NEMP2: variants seen among roughly 807,000 people sequenced by gnomAD.
NEMP2 encodes the protein UPF0571 transmembrane protein.
Under a neutral mutation model 54.2 loss-of-function variants are expected in NEMP2, and 53 were observed. The ratio of observed to expected loss-of-function variants is 0.98; its 90% CI spans 0.78 to 1.23. The LOEUF is 1.23. NEMP2 is among the 50% of genes most tolerant of loss of function. The probability of loss-of-function intolerance (pLI) is 0.00; values close to 1 mark genes in which losing one functional copy is unlikely to be tolerated. For missense variants in NEMP2, 455 were observed against 511.3 expected (o/e 0.89, Z 1.06); for synonymous variants, 197 against 190.3 (o/e 1.04, Z -0.29).
rs865784912 is a variant in NEMP2 at position 190,523,876 on chromosome 2, C to A, written c.213+1387G>T. On this transcript the variant is annotated intron_variant, in intron 2 of 8. Coordinates refer to ENST00000409150, the MANE Select transcript of NEMP2 (RefSeq NM_001142645.2). The surrounding 1 kb of genome is among the most constrained non-coding windows in gnomAD (Gnocchi z 5.3). ...AATAAATACATGGGAGGAGGAAAAT[C>A]TCTTCTTTATAGTAGAATGCCAATG... Among the ~76,000 whole-genome samples, 8 of 151,996 alleles carry A rather than the reference C, an allele frequency of 5.3e-5. No homozygotes were observed. The highest frequency in any genetic ancestry group is 7.4e-5 in the Non-Finnish European group (5 of 67,996).
At chr2:190,549,308 T>A in the NEMP2 span, among the ~76,000 whole-genome samples, 12 of 152,358 alleles carry the variant, frequency 7.9e-5, no homozygotes, top group African/African-American at 2.4e-4. Flanking sequence ...ACTATTGATA[T>A]CTAGATCCAC....
the NEMP2 span, among the ~76,000 whole-genome samples, chr2:190,636,052 A>G: frequency 1.3e-5 from 2 of 152,080 alleles, no homozygotes; most frequent in Non-Finnish European, 2.9e-5. Flanking sequence ...TTTTGTAGAG[A>G]CGGGATCTCA....
the NEMP2 span, chr2:190,609,975 C>T: frequency 5.3e-5 from 8 of 151,842 alleles, no homozygotes; most frequent in South Asian, 4.1e-4. The surrounding 1 kb of genome is among the most constrained non-coding windows in gnomAD (Gnocchi z 4.7). Context: ...CAGGGCTTTA[C>T]GAAAGCACAG....
chr2:190,509,299 C>G lies in NEMP2; in HGVS notation c.1144G>C (p.Val382Leu). ...LHTPSKFADFVLGGSHLSPEE... is the reference protein window; with the variant it reads ...LHTPSKFADFLLGGSHLSPEE... ...GGTGACAAGTGGCTTCCTCCAAGAA[C>G]AAAGTCTGCAAATCTAACAAGTTTT... Residue 382 changes from valine (V) to leucine (L), a missense_variant, in exon 9 of 9, where the codon GTT (valine) becomes CTT (leucine). Physicochemically the swap from Val to Leu is conservative, Grantham distance 32. Transcript: ENST00000409150. This position sits in a 1 kb window ranked among gnomAD's most constrained non-coding sequence, Gnocchi z 6.1. 6.4e-7 allele frequency: 1 copy of G among 1,551,678 alleles called. No individual in the cohort carries two copies. Among genetic ancestry groups the G allele is most frequent in the Non-Finnish European group, 8.7e-7 (1 of 1,146,996 alleles).
At chr2:190,537,099 T>C (rs1691400772), upstream of NEMP2, among the ~76,000 whole-genome samples, 1 of 152,026 alleles carries the variant, frequency 6.6e-6, no homozygotes, top group Admixed American at 6.5e-5. Context: ...ATAAAGCTAG[T>C]GGAAAAGGTG....
In NEMP2 at chr2:190,508,033, C is replaced by G. The variant is rs1334885309; in HGVS notation, c.*1156G>C. ...CTCAGGGTCAAAGCTCATAGCCCCT[C>G]ATTTCAATCTGGAGTTTAATATCAT... On this transcript the variant is annotated 3_prime_UTR_variant, in exon 9 of 9. Coordinates refer to ENST00000409150, the MANE Select transcript of NEMP2 (RefSeq NM_001142645.2). The surrounding 1 kb of genome is among the most constrained non-coding windows in gnomAD (Gnocchi z 4.3). 6.6e-6 allele frequency: 1 copy of G among 152,120 alleles called. No individual in the cohort carries two copies. The highest frequency in any genetic ancestry group is 1.5e-5 in the Non-Finnish European group (1 of 68,032). 9.4% of individuals were successfully genotyped at this position (152,120 alleles called of 1,614,324 possible). A position where few individuals can be genotyped will look rare whatever the true frequency, so the allele number is the denominator to read the frequency against.
chr2:190,599,298 T>C, the NEMP2 span, among the ~76,000 whole-genome samples: 200 of 152,298 alleles, frequency 1.3e-3, 1 homozygote, highest in African/African-American at 4.6e-3. Flanking sequence ...TTCTGTTTCC[T>C]GTCACTATTT....
rs571633181 is a variant in NEMP2 at position 190,530,378 on chromosome 2, G to A, written c.97+4181C>T. ...CCTTTTTTCTTATCACCTCTCTCCCGAGGTGAATGAGTCTCAAACAACCCA... is the reference window on the plus strand; with the variant it reads ...CCTTTTTTCTTATCACCTCTCTCCCAAGGTGAATGAGTCTCAAACAACCCA... On this transcript the variant is annotated intron_variant, in intron 1 of 8. Coordinates refer to ENST00000409150, the MANE Select transcript of NEMP2 (RefSeq NM_001142645.2). The surrounding 1 kb of genome is among the most constrained non-coding windows in gnomAD (Gnocchi z 4.6). Among the ~76,000 whole-genome samples the A allele has an allele frequency of 5.9e-5, 9 of 152,146 alleles. No individual in the cohort carries two copies. Among genetic ancestry groups the A allele is most frequent in the South Asian group, 4.2e-4 (2 of 4,812 alleles).
chr2:190,466,101 C>G, the NEMP2 span, among the ~76,000 whole-genome samples: 4 of 152,122 alleles, frequency 2.6e-5, no homozygotes, highest in African/African-American at 9.7e-5. Flanking sequence ...TATTTCTTCC[C>G]TTGTGCCTGC....
At chr2:190,604,236 G>A in the NEMP2 span, among the ~76,000 whole-genome samples, 14,718 of 152,190 alleles carry the variant, frequency 0.097, 1,067 homozygotes, top group African/African-American at 0.2. This position sits in a 1 kb window ranked among gnomAD's most constrained non-coding sequence, Gnocchi z 4.5. Context: ...AACCCGAACA[G>A]TACAATGATT....
At chr2:190,600,408 T>A in the NEMP2 span, among the ~76,000 whole-genome samples, 1 of 152,346 alleles carries the variant, frequency 6.6e-6, no homozygotes, top group East Asian at 1.9e-4. This position sits in a 1 kb window ranked among gnomAD's most constrained non-coding sequence, Gnocchi z 4.9. Flanking sequence ...ATTGTTTGAA[T>A]GTCATTTGTC....
Position 190,509,243 on chromosome 2 carries a change from A to G in NEMP2, c.1200T>C (p.Tyr400=). ...CTTCCAAGAAGGCACCCCCAAGGCC[A>G]TACTGCTCTTCATGCAGACTGATTT... ...PEEISLHEEQ[Y]GLGGAFLEEQ... is the part of the protein sequence containing the mutation. The change falls in exon 9 of 9, where the codon TAT becomes TAC. Residue 400 remains tyrosine (Y), a synonymous_variant. Transcript: ENST00000409150. This position sits in a 1 kb window ranked among gnomAD's most constrained non-coding sequence, Gnocchi z 6.1. The G allele has an allele frequency of 6.4e-7, 1 of 1,551,754 alleles. No homozygotes were observed. The highest frequency in any genetic ancestry group is 2.0e-5 in the Admixed American group (1 of 51,014).
chr2:190,453,960 A>G, the NEMP2 span: 2 of 152,224 alleles, frequency 1.3e-5, no homozygotes, highest in African/African-American at 4.8e-5. Context: ...GGTAACTGGA[A>G]TATATTTCAC....
chr2:190,561,233 G>C, the NEMP2 span, among the ~76,000 whole-genome samples: 1 of 152,194 alleles, frequency 6.6e-6, no homozygotes, highest in Non-Finnish European at 1.5e-5. The surrounding 1 kb of genome is among the most constrained non-coding windows in gnomAD (Gnocchi z 5.4). Context: ...TACTTGAGAA[G>C]AGTCAGGAAG....
chr2:190,558,465 G>A, the NEMP2 span, among the ~76,000 whole-genome samples: 1 of 151,990 alleles, frequency 6.6e-6, no homozygotes, highest in African/African-American at 2.4e-5. This position sits in a 1 kb window ranked among gnomAD's most constrained non-coding sequence, Gnocchi z 4.4. Flanking sequence ...GAACGTAAAG[G>A]ATAATAAAAA....
the NEMP2 span, among the ~76,000 whole-genome samples, chr2:190,639,619 T>C: frequency 1.3e-5 from 2 of 151,846 alleles, no homozygotes; most frequent in Non-Finnish European, 2.9e-5. Context: ...TTCAAAGTAA[T>C]GCATGTTTAT....
chr2:190,574,725 TTTCCTTTCTTTCTC>T, the NEMP2 span, among the ~76,000 whole-genome samples: 2 of 151,582 alleles, frequency 1.3e-5, no homozygotes, highest in African/African-American at 2.4e-5. Flanking sequence ...TCTTTCTTTC[TTTCCTTTCTTTCTC>T]TTCCTTTCTT....
the NEMP2 span, among the ~76,000 whole-genome samples, chr2:190,551,709 T>G: frequency 2.0e-5 from 3 of 152,192 alleles, no homozygotes; most frequent in African/African-American, 7.2e-5. Flanking sequence ...AGATTTCGCC[T>G]CAATACTTTT....
chr2:190,625,591 AAAAG>A, the NEMP2 span: 2 of 152,362 alleles, frequency 1.3e-5, no homozygotes, highest in South Asian at 4.1e-4. Flanking sequence ...GTTATTTTAT[AAAAG>A]AAAGAAAGGA....
Sources: gnomAD v4.1 joint callset for allele counts (sites outside exome capture counted in the v4.1 genomes callset) on GRCh38, gnomAD v4.1.1 for gene constraint, Gnocchi (gnomAD v3.1) non-coding constraint, MANE v1.5 for transcripts, NCBI Gene and HGNC (gene_info 2026-07-23, HGNC 2026-07-21) for gene names.